Variants in PPP4R3B observed in about 807,000 individuals in gnomAD.
PPP4R3B encodes the protein protein phosphatase 4 regulatory subunit 3B, also known as serine/threonine-protein phosphatase 4 regulatory subunit 3B.
A neutral mutation model predicts 95.4 loss-of-function variants in PPP4R3B; 52 were observed. That is an observed-to-expected ratio of 0.54 (90% CI 0.44 to 0.69). The LOEUF (loss-of-function observed/expected upper bound fraction) is 0.69. Ranked by LOEUF, PPP4R3B falls within the 30% of genes least tolerant of loss-of-function variation. PPP4R3B has a pLI of 0.00. For missense variants in PPP4R3B, 1,003 were observed against 1,005.9 expected, an observed-to-expected ratio of 1.00 and a Z score of 0.04; for synonymous variants, 407 against 343.9, an observed-to-expected ratio of 1.18 and a Z score of -2.03.
chr2:55,584,951 C>A lies in PPP4R3B; in HGVS notation c.1233+100G>T, dbSNP rs1008864210. 4 of 932,174 alleles carry A rather than the reference C, an allele frequency of 4.3e-6. No homozygotes were observed. The African/African-American group carries it at 7.0e-5, about 16-fold the overall frequency. The allele number at this position is 932,174 out of a possible 1,614,324, so 57.7% of individuals were successfully genotyped here. ...AGTCAGAAATCTATTATTTTGCTCC[C>A]AAGAAAGATTAAGATTATGTTATGT... On this transcript the variant is annotated intron_variant, in intron 7 of 16. Coordinates refer to ENST00000616407, the MANE Select transcript of PPP4R3B (RefSeq NM_001122964.3).
chr2:55,590,326 TCAA>T (rs1367607710), intron 4 of PPP4R3B, among the ~76,000 whole-genome samples: 2 of 152,096 alleles, frequency 1.3e-5, no homozygotes, highest in African/African-American at 4.8e-5. Flanking sequence ...AAACTCCGTC[TCAA>T]CAACAACAAA....
intron 3 of PPP4R3B, among the ~76,000 whole-genome samples, chr2:55,601,481 T>C (rs984378146): frequency 5.9e-5 from 9 of 151,662 alleles, no homozygotes; most frequent in African/African-American, 1.7e-4. Flanking sequence ...CCCAGGTTCA[T>C]CCCATTCTCC....
intron 9 of PPP4R3B, among the ~76,000 whole-genome samples, 164 bp downstream of exon 9, chr2:55,579,515 T>C (rs1163076243): frequency 6.6e-6 from 1 of 152,010 alleles, no homozygotes; most frequent in East Asian, 1.9e-4. Flanking sequence ...TTCACTTCCA[T>C]AACCTTAAGA....
chr2:55,616,022 A>G (rs1378631955), intron 1 of PPP4R3B, among the ~76,000 whole-genome samples: 3 of 150,904 alleles, frequency 2.0e-5, no homozygotes, highest in Non-Finnish European at 4.4e-5. Context: ...ATTTCACCCT[A>G]TTCCCATACA....
Position 55,547,715 on chromosome 2 carries a change from A to C in PPP4R3B, c.*2196T>G, listed in dbSNP as rs1007598408. The C allele has an allele frequency of 1.3e-5, 2 of 152,200 alleles. No homozygotes were observed. The highest frequency in any genetic ancestry group is 4.8e-5 in the African/African-American group (2 of 41,440). 9.4% of individuals were successfully genotyped at this position (152,200 alleles called of 1,614,324 possible). A position where few individuals can be genotyped will look rare whatever the true frequency, so the allele number is the denominator to read the frequency against. The stretch of plus-strand genomic sequence containing the variant: ...GAGGCGGGTGGATTGTGAGGTCAGG[A>C]GTTTAAGACCAGCCTGGCCAAGATG... On this transcript the variant is annotated 3_prime_UTR_variant, in exon 17 of 17. Transcript: ENST00000616407.
chr2:55,581,178 G>A (rs570443310), intron 8 of PPP4R3B, among the ~76,000 whole-genome samples: 3 of 152,212 alleles, frequency 2.0e-5, no homozygotes, highest in Non-Finnish European at 2.9e-5. Flanking sequence ...GCTTGAACCC[G>A]AGAGGCGGAG....
chr2:55,558,446 A>G (rs1442496320), intron 16 of PPP4R3B, among the ~76,000 whole-genome samples: 6 of 152,122 alleles, frequency 3.9e-5, no homozygotes, highest in African/African-American at 9.7e-5. Context: ...CGTCTCTACT[A>G]AAAATACAAA....
chr2:55,606,873 C>T (rs1259869911), intron 2 of PPP4R3B, among the ~76,000 whole-genome samples: 1 of 148,188 alleles, frequency 6.7e-6, no homozygotes, highest in African/African-American at 2.5e-5. Flanking sequence ...AATAACCGAA[C>T]TTTTTGAGAG....
At chr2:55,590,763 G>T (rs918456117) in intron 4 of PPP4R3B, among the ~76,000 whole-genome samples, 5 of 152,112 alleles carry the variant, frequency 3.3e-5, no homozygotes, top group African/African-American at 1.2e-4. Flanking sequence ...AACATTTAAA[G>T]GATACACCCC....
intron 3 of PPP4R3B, among the ~76,000 whole-genome samples, chr2:55,603,630 T>C (rs1692962532): frequency 1.3e-5 from 2 of 152,180 alleles, no homozygotes; most frequent in Admixed American, 6.5e-5. Flanking sequence ...GCATAAACAT[T>C]AGGCAAACAT....
chr2:55,568,028 T>C (rs1029812991), intron 13 of PPP4R3B, 166 bp downstream of exon 13: 10 of 409,140 alleles, frequency 2.4e-5, no homozygotes, highest in Non-Finnish European at 3.2e-5. Flanking sequence ...AAAAAGCTAC[T>C]GATTTTTAAA....
At chr2:55,611,215 G>A (rs1227744756) in intron 2 of PPP4R3B, among the ~76,000 whole-genome samples, 2 of 151,976 alleles carry the variant, frequency 1.3e-5, no homozygotes, top group Non-Finnish European at 2.9e-5. Flanking sequence ...CAATGGCTAC[G>A]CACAGGCACA....
chr2:55,612,912 C>G (rs1441525536), intron 2 of PPP4R3B, among the ~76,000 whole-genome samples: 1 of 150,652 alleles, frequency 6.6e-6, no homozygotes, highest in African/African-American at 2.4e-5. Flanking sequence ...CACCACCACA[C>G]TGCAGCATGG....
chr2:55,591,302 A>T (rs562748535), intron 4 of PPP4R3B, among the ~76,000 whole-genome samples: 538 of 145,462 alleles, frequency 3.7e-3, no homozygotes, highest in Non-Finnish European at 6.1e-3. Flanking sequence ...ATACCTGGCT[A>T]TTTTTTTTTT....
intron 15 of PPP4R3B, among the ~76,000 whole-genome samples, chr2:55,559,745 TAC>T (rs1686350820): frequency 1.3e-5 from 2 of 152,202 alleles, no homozygotes; most frequent in South Asian, 4.1e-4. Flanking sequence ...CTTCATAAAT[TAC>T]AGTCTCAGGT....
chr2:55,571,760 G>A (rs1357873561), intron 12 of PPP4R3B, among the ~76,000 whole-genome samples: 3 of 152,066 alleles, frequency 2.0e-5, no homozygotes, highest in African/African-American at 7.2e-5. Context: ...TGAGTAGCTG[G>A]GATTACAGAC....
chr2:55,598,988 A>T lies in PPP4R3B; in HGVS notation c.349T>A (p.Ser117Thr). 1 of 1,614,104 alleles carries T rather than the reference A, an allele frequency of 6.2e-7. No homozygotes were observed. The highest frequency in any genetic ancestry group is 8.5e-7 in the Non-Finnish European group (1 of 1,180,026). Reference sequence around the variant, plus strand: ...ATTTCTTCAAATCGTTCTTCTTCAGATTCATCAATGAGGTCCTGTGTGACT... The same window carrying T: ...ATTTCTTCAAATCGTTCTTCTTCAGTTTCATCAATGAGGTCCTGTGTGACT... ...VEVTQDLIDESEEERFEEMPE... is the reference protein window; with the variant it reads ...VEVTQDLIDETEEERFEEMPE... The change falls in exon 4 of 17, where the codon TCT becomes ACT. Residue 117 changes from serine to threonine, a missense_variant. Transcript: ENST00000616407.
At chr2:55,555,878 GTTTA>G (rs967797582) in intron 16 of PPP4R3B, among the ~76,000 whole-genome samples, 1 of 152,126 alleles carries the variant, frequency 6.6e-6, no homozygotes, top group African/African-American at 2.4e-5. Context: ...TCTGTGACGT[GTTTA>G]TTTTAGTATC....
At chr2:55,551,652 G>A (rs1685259898) in intron 16 of PPP4R3B, among the ~76,000 whole-genome samples, 1 of 151,854 alleles carries the variant, frequency 6.6e-6, no homozygotes, top group African/African-American at 2.4e-5. Flanking sequence ...TTCAGAGGCT[G>A]AGGCAGGAGA....
Sources: allele counts gnomAD v4.1 joint callset (sites outside exome capture counted in the v4.1 genomes callset), GRCh38; gene constraint gnomAD v4.1.1; transcripts MANE v1.5; gene names NCBI Gene and HGNC (gene_info 2026-07-23, HGNC 2026-07-21).